RPSA2: variants seen among roughly 807,000 people sequenced by gnomAD.
RPSA2 encodes ribosomal protein SA 2, also known as small ribosomal subunit protein uS2B.
At chr19:23,833,817 G>T in the RPSA2 span, among the ~76,000 whole-genome samples, 2 of 152,008 alleles carry the variant, frequency 1.3e-5, no homozygotes, top group African/African-American at 4.8e-5. Context: ...TATAAATAGG[G>T]TTGTAATACC....
the RPSA2 span, among the ~76,000 whole-genome samples, chr19:23,774,695 C>A: frequency 1.3e-5 from 2 of 152,136 alleles, no homozygotes; most frequent in African/African-American, 2.4e-5. Context: ...GCCCAGAAAT[C>A]AGATGACATG....
the RPSA2 span, among the ~76,000 whole-genome samples, chr19:23,852,228 G>C: frequency 1.3e-5 from 2 of 152,160 alleles, no homozygotes; most frequent in African/African-American, 4.8e-5. Context: ...ATGCAGCATA[G>C]AAAACAAGTT....
the RPSA2 span, among the ~76,000 whole-genome samples, chr19:23,848,507 C>A: frequency 4.4e-5 from 5 of 113,270 alleles, no homozygotes; most frequent in Admixed American, 9.3e-5. Flanking sequence ...TAATGTATAA[C>A]TCCAGGCACA....
chr19:23,861,270 A>T, the RPSA2 span, among the ~76,000 whole-genome samples: 1 of 152,142 alleles, frequency 6.6e-6, no homozygotes, highest in African/African-American at 2.4e-5. Flanking sequence ...TTTCCCAAAC[A>T]CTTATGAGTT....
the RPSA2 span, among the ~76,000 whole-genome samples, chr19:23,766,919 C>T: frequency 0.98 from 148,830 of 152,144 alleles, 72,884 homozygotes; most frequent in Middle Eastern, 1. Flanking sequence ...CTATCAAGGC[C>T]GGCTAATTTT....
the RPSA2 span, among the ~76,000 whole-genome samples, chr19:23,823,481 C>G: frequency 6.6e-6 from 1 of 152,104 alleles, no homozygotes; most frequent in South Asian, 2.1e-4. Flanking sequence ...AGCTGTAGCC[C>G]CCACATGTCA....
the RPSA2 span, among the ~76,000 whole-genome samples, chr19:23,794,870 G>A: frequency 6.6e-6 from 1 of 152,092 alleles, no homozygotes; most frequent in Non-Finnish European, 1.5e-5. Flanking sequence ...TGTATATGGT[G>A]TAATAAAGTT....
the RPSA2 span, among the ~76,000 whole-genome samples, chr19:23,771,287 A>G: frequency 9.8e-4 from 150 of 152,328 alleles, no homozygotes; most frequent in African/African-American, 3.2e-3. Flanking sequence ...TTCAGTCCAT[A>G]GAGAGGTCAG....
the RPSA2 span, among the ~76,000 whole-genome samples, chr19:23,816,930 A>G: frequency 6.6e-6 from 1 of 152,222 alleles, no homozygotes; most frequent in East Asian, 1.9e-4. Flanking sequence ...AACATGTGGG[A>G]ATTAAAGATG....
the RPSA2 span, among the ~76,000 whole-genome samples, chr19:23,835,317 A>C: frequency 0.42 from 63,234 of 151,884 alleles, 13,564 homozygotes; most frequent in South Asian, 0.58. Context: ...CTAAAGATAA[A>C]CTTTAGGTCT....
the RPSA2 span, among the ~76,000 whole-genome samples, chr19:23,862,939 C>G: frequency 7.2e-6 from 1 of 139,164 alleles, no homozygotes; most frequent in Non-Finnish European, 1.5e-5. Context: ...GAGTTTTGCT[C>G]TGTTGTCAGG....
chr19:23,816,993 C>T, the RPSA2 span, among the ~76,000 whole-genome samples: 49 of 145,036 alleles, frequency 3.4e-4, 1 homozygote, highest in East Asian at 8.6e-3. Flanking sequence ...ATGGAGTTTA[C>T]ATTAAATATC....
At chr19:23,761,798 C>CA in the RPSA2 span, among the ~76,000 whole-genome samples, 5 of 151,754 alleles carry the variant, frequency 3.3e-5, no homozygotes, top group Non-Finnish European at 7.4e-5. Flanking sequence ...AAAGAGAAGT[C>CA]AAACTGAAAT....
chr19:23,858,177 A>C, the RPSA2 span, among the ~76,000 whole-genome samples: 2 of 146,720 alleles, frequency 1.4e-5, no homozygotes, highest in South Asian at 4.3e-4. Context: ...TTTAATTCTA[A>C]GTCTCAGAAA....
the RPSA2 span, among the ~76,000 whole-genome samples, chr19:23,840,550 A>G: frequency 6.6e-6 from 1 of 152,236 alleles, no homozygotes; most frequent in Admixed American, 6.5e-5. Flanking sequence ...CACACTTAAA[A>G]AAGATGGAAT....
chr19:23,850,622 G>A, the RPSA2 span, among the ~76,000 whole-genome samples: 2 of 151,452 alleles, frequency 1.3e-5, no homozygotes, highest in East Asian at 4.1e-4. Context: ...ACCCAGACAG[G>A]GGATTGATGA....
chr19:23,790,622 G>T, the RPSA2 span: 56 of 274,830 alleles, frequency 2.0e-4, no homozygotes, highest in Non-Finnish European at 2.4e-4. Context: ...TGTAGTTGGG[G>T]GGACTGTGTC....
chr19:23,786,173 G>T, the RPSA2 span, among the ~76,000 whole-genome samples: 2 of 152,198 alleles, frequency 1.3e-5, no homozygotes, highest in African/African-American at 2.4e-5. Context: ...CAGTTTACAG[G>T]AGGAATGAAG....
At chr19:23,849,333 TA>T in the RPSA2 span, among the ~76,000 whole-genome samples, 843 of 152,126 alleles carry the variant, frequency 5.5e-3, 6 homozygotes, top group Middle Eastern at 0.017. Flanking sequence ...GCCAAAGAGG[TA>T]GAGGGGCATA....
Sources: allele counts gnomAD v4.1 joint callset (sites outside exome capture counted in the v4.1 genomes callset), GRCh38; gene constraint gnomAD v4.1.1; transcripts MANE v1.5; gene names NCBI Gene and HGNC (gene_info 2026-07-23, HGNC 2026-07-21).